The following ROBO2 variants were observed in gnomAD, a reference collection of about 807,000 sequenced individuals.
ROBO2 encodes the protein roundabout homolog 2.
Under a neutral mutation model 160.8 loss-of-function variants are expected in ROBO2, and 53 were observed. That is an observed-to-expected ratio of 0.33 (90% CI 0.26 to 0.41). ROBO2 has a LOEUF of 0.41. Among genes scored for constraint, ROBO2 ranks in the 10% least tolerant of loss-of-function variants. The probability of loss-of-function intolerance (pLI) is 1.00; values close to 1 mark genes in which losing one functional copy is unlikely to be tolerated. For missense variants in ROBO2, 1,577 were observed against 1,722.4 expected, an observed-to-expected ratio of 0.92 and a Z score of 1.49; for synonymous variants, 664 against 611.7, an observed-to-expected ratio of 1.09 and a Z score of -1.26.
intron 2 of ROBO2, among the ~76,000 whole-genome samples, chr3:77,166,651 C>T (rs764914582): frequency 1.1e-4 from 16 of 152,248 alleles, no homozygotes; most frequent in Non-Finnish European, 2.2e-4. Context: ...CTCCACCTCC[C>T]GGGTTCCCGC....
intron 2 of ROBO2, among the ~76,000 whole-genome samples, chr3:77,304,108 C>T (rs2062889183): frequency 6.6e-6 from 1 of 152,034 alleles, no homozygotes; most frequent in African/African-American, 2.4e-5. Flanking sequence ...GGACATATGC[C>T]GCTAGTGTCC....
At chr3:77,541,670 T>C (rs547723249) in intron 6 of ROBO2, among the ~76,000 whole-genome samples, 1 of 152,364 alleles carries the variant, frequency 6.6e-6, no homozygotes, top group South Asian at 2.1e-4. Flanking sequence ...TTCTGTTTGC[T>C]TCGTCTCATT....
intron 2 of ROBO2, among the ~76,000 whole-genome samples, chr3:76,117,817 A>G (rs1351759655): frequency 6.6e-6 from 1 of 152,254 alleles, no homozygotes; most frequent in Non-Finnish European, 1.5e-5. Flanking sequence ...TATATGTTTT[A>G]TAAGTTTCAT....
chr3:76,287,300 CT>C (rs34290531), intron 2 of ROBO2, among the ~76,000 whole-genome samples: 13,284 of 141,830 alleles, frequency 0.094, 887 homozygotes, highest in African/African-American at 0.21. Flanking sequence ...TTTTTCTTTT[CT>C]TTTTTTTTTT....
intron 2 of ROBO2, among the ~76,000 whole-genome samples, chr3:76,565,000 C>T (rs1290890969): frequency 2.0e-5 from 3 of 152,220 alleles, no homozygotes; most frequent in Admixed American, 2.0e-4. Flanking sequence ...GAGGCTGGTA[C>T]AAAAAAGTTT....
chr3:77,454,372 C>T (rs1288436946), intron 2 of ROBO2, among the ~76,000 whole-genome samples: 1 of 152,104 alleles, frequency 6.6e-6, no homozygotes, highest in South Asian at 2.1e-4. Context: ...TTTCCACTGT[C>T]GTAGTCATAT....
intron 2 of ROBO2, among the ~76,000 whole-genome samples, chr3:76,078,165 T>C (rs575499610): frequency 3.5e-4 from 53 of 152,228 alleles, no homozygotes; most frequent in South Asian, 1.0e-3. Context: ...ACAACCTGTG[T>C]TTTCATTATT....
chr3:76,129,299 A>G (rs981027130), intron 2 of ROBO2, among the ~76,000 whole-genome samples: 1 of 152,138 alleles, frequency 6.6e-6, no homozygotes, highest in Non-Finnish European at 1.5e-5. Context: ...CGTGCACTCT[A>G]AGGATATTAA....
chr3:77,078,109 A>ATATG (rs2068206222), intron 1 of ROBO2, among the ~76,000 whole-genome samples: 1 of 152,180 alleles, frequency 6.6e-6, no homozygotes, highest in Non-Finnish European at 1.5e-5. Context: ...ATTTCCACTC[A>ATATG]TATGTATACA....
At position 76,551,599 on chromosome 3, in the gene ROBO2, G is replaced by T. The variant is rs1255802872; in HGVS notation, c.110-546415G>T. On this transcript the variant is annotated intron_variant, in intron 2 of 26. Coordinates refer to the ROBO2 transcript ENST00000487694. ...ATGAGGAGCTATGGCCCTTCAGGGA[G>T]CCCAGACCTAGAGGATCCCTGAACC... Among the ~76,000 whole-genome samples the T allele has an allele frequency of 2.0e-5, 3 of 152,214 alleles. No individual in the cohort carries two copies. In the East Asian group the frequency reaches 5.8e-4, roughly 30 times the overall value.
chr3:76,127,597 A>AAAATATATAT (rs879328622), intron 2 of ROBO2, among the ~76,000 whole-genome samples: 5 of 118,336 alleles, frequency 4.2e-5, no homozygotes, highest in African/African-American at 9.5e-5. Flanking sequence ...GGTTTGAAAA[A>AAAATATATAT]ATATATATAT....
intron 2 of ROBO2, among the ~76,000 whole-genome samples, chr3:76,041,664 T>G (rs2067278647): frequency 6.6e-6 from 1 of 151,954 alleles, no homozygotes; most frequent in Non-Finnish European, 1.5e-5. Flanking sequence ...CACAAAACAC[T>G]TACAGGTATT....
At chr3:76,997,554 T>C (rs2061089515) in intron 2 of ROBO2, among the ~76,000 whole-genome samples, 1 of 152,130 alleles carries the variant, frequency 6.6e-6, no homozygotes, top group Non-Finnish European at 1.5e-5. Context: ...TTTTCAAAGA[T>C]TAGAGAAGAG....
intron 2 of ROBO2, among the ~76,000 whole-genome samples, chr3:77,296,963 T>C (rs1283711294): frequency 6.6e-6 from 1 of 152,206 alleles, no homozygotes; most frequent in African/African-American, 2.4e-5. Context: ...TCGCATACTT[T>C]GACTTATTCG....
intron 2 of ROBO2, among the ~76,000 whole-genome samples, chr3:76,344,665 G>A (rs535536972): frequency 6.6e-6 from 1 of 152,248 alleles, no homozygotes; most frequent in East Asian, 1.9e-4. Flanking sequence ...ACAGGTTTAA[G>A]CCTAAAGACA....
At chr3:77,480,956 C>A in intron 3 of ROBO2, 143 bp from the exon 4 acceptor site, 1 of 684,570 alleles carries the variant, frequency 1.5e-6, no homozygotes, top group Non-Finnish European at 2.5e-6. Flanking sequence ...GAAAACATAC[C>A]TGCAAATGCC....
At chr3:76,789,259 C>T (rs1313807856) in intron 2 of ROBO2, among the ~76,000 whole-genome samples, 2 of 151,516 alleles carry the variant, frequency 1.3e-5, no homozygotes, top group Non-Finnish European at 3.0e-5. Flanking sequence ...CTATAAACTA[C>T]TCTTTTCTCT....
chr3:76,963,844 AAAAAAG>A, intron 2 of ROBO2, among the ~76,000 whole-genome samples: 1 of 150,750 alleles, frequency 6.6e-6, no homozygotes, highest in African/African-American at 2.4e-5. Flanking sequence ...TGCAAAAAAA[AAAAAAG>A]AAAAAAAAGA....
intron 2 of ROBO2, among the ~76,000 whole-genome samples, chr3:76,402,230 C>T (rs1356517336): frequency 6.6e-6 from 1 of 151,314 alleles, no homozygotes; most frequent in African/African-American, 2.4e-5. Context: ...ATTACTTTTC[C>T]ATTTAAAGGT....
Sources: gnomAD v4.1 joint callset for allele counts (sites outside exome capture counted in the v4.1 genomes callset) on GRCh38, gnomAD v4.1.1 for gene constraint, MANE v1.5 for transcripts, NCBI Gene and HGNC (gene_info 2026-07-23, HGNC 2026-07-21) for gene names.